NUP160: variants seen among roughly 807,000 people sequenced by gnomAD.
The protein encoded by NUP160 is nucleoporin 160.
In NUP160, 94 loss-of-function variants were observed where a neutral mutation model predicts 196.9. The observed-to-expected ratio is 0.48, with a 90% CI of 0.40 to 0.57. The LOEUF (loss-of-function observed/expected upper bound fraction) is 0.57, where lower values mean the gene tolerates loss of function less well. Among genes scored for constraint, NUP160 ranks in the 20% least tolerant of loss-of-function variants. The pLI, the probability that NUP160 is intolerant of heterozygous loss-of-function variation, is 0.00. For synonymous variants in NUP160, 605 were observed against 619.7 expected (o/e 0.98, Z 0.35); for missense variants, 1,638 against 1,748.3 (o/e 0.94, Z 1.13).
chr11:47,838,743 A>G (rs981221735), intron 4 of NUP160, among the ~76,000 whole-genome samples: 3 of 151,714 alleles, frequency 2.0e-5, no homozygotes, highest in Non-Finnish European at 4.4e-5. Context: ...CGGTGGCTCA[A>G]GCCTGTAATC....
intron 31 of NUP160, among the ~76,000 whole-genome samples, chr11:47,787,267 T>C (rs1231614049): frequency 6.6e-6 from 1 of 151,864 alleles, no homozygotes; most frequent in African/African-American, 2.4e-5. Flanking sequence ...TTTGTATTTT[T>C]AGTAGAGATG....
At chr11:47,834,540 C>A (rs1048831850) in intron 7 of NUP160, among the ~76,000 whole-genome samples, 11 of 152,188 alleles carry the variant, frequency 7.2e-5, no homozygotes, top group Non-Finnish European at 1.5e-4. Flanking sequence ...TCTTCCCTTC[C>A]ATTCTGTTCC....
At chr11:47,821,803 C>T (rs376363678) in exon 9 of NUP160, 3 of 1,613,422 alleles carry the variant, frequency 1.9e-6, no homozygotes, top group South Asian at 1.1e-5. Flanking sequence ...GAAGTTAAGG[C>T]AAAGTCAATC....
At chr11:47,816,999 AG>A (rs1851740678) in intron 11 of NUP160, among the ~76,000 whole-genome samples, 1 of 145,590 alleles carries the variant, frequency 6.9e-6, no homozygotes, top group Non-Finnish European at 1.5e-5. Context: ...TTTTTAAGAT[AG>A]GGTGTCACTC....
intron 35 of NUP160, chr11:47,779,666 A>G: frequency 6.3e-6 from 3 of 477,744 alleles, no homozygotes; most frequent in Non-Finnish European, 1.2e-5. Context: ...ATGACTCCTG[A>G]GAAATGTTGT....
chr11:47,813,249 C>T, intron 14 of NUP160, 67 bp downstream of exon 14: 1 of 1,214,862 alleles, frequency 8.2e-7, no homozygotes. Flanking sequence ...TTTTTGTATC[C>T]ATGTGAAACG....
At chr11:47,795,173 T>C (rs1316957185) in intron 27 of NUP160, among the ~76,000 whole-genome samples, 1 of 152,202 alleles carries the variant, frequency 6.6e-6, no homozygotes, top group Non-Finnish European at 1.5e-5. Context: ...GAAAAGTCCA[T>C]TGTTCTGGAA....
intron 7 of NUP160, among the ~76,000 whole-genome samples, chr11:47,832,532 T>C (rs966929222): frequency 6.6e-6 from 1 of 152,240 alleles, no homozygotes; most frequent in Non-Finnish European, 1.5e-5. Flanking sequence ...CCCAGCCAGA[T>C]GAGCAACTCT....
chr11:47,817,089 C>A (rs1851743617), intron 11 of NUP160, among the ~76,000 whole-genome samples: 1 of 151,644 alleles, frequency 6.6e-6, no homozygotes, highest in African/African-American at 2.4e-5. Flanking sequence ...AGTCCTCCAA[C>A]CTAGGGCTCC....
chr11:47,817,366 C>CA (rs1273786114), intron 11 of NUP160, among the ~76,000 whole-genome samples: 1 of 137,958 alleles, frequency 7.2e-6, no homozygotes, highest in Admixed American at 7.7e-5. Context: ...TTTTTTGAGA[C>CA]AGAGTCTCAC....
intron 4 of NUP160, among the ~76,000 whole-genome samples, chr11:47,839,075 G>A (rs1224736719): frequency 6.6e-6 from 1 of 151,996 alleles, no homozygotes; most frequent in Non-Finnish European, 1.5e-5. Context: ...TTTACACAGT[G>A]CAGTGACATG....
intron 7 of NUP160, among the ~76,000 whole-genome samples, chr11:47,835,086 G>A (rs1852148021): frequency 1.3e-5 from 2 of 152,128 alleles, no homozygotes; most frequent in African/African-American, 4.8e-5. Context: ...GCATAGTAAG[G>A]GAGACAGACC....
chr11:47,835,116 T>A (rs544244219), intron 7 of NUP160, among the ~76,000 whole-genome samples: 110 of 152,234 alleles, frequency 7.2e-4, no homozygotes, highest in Middle Eastern at 3.4e-3. Context: ...TGGGCTGTTA[T>A]TAGGATTAAA....
chr11:47,806,753 A>G (rs2097677866), intron 19 of NUP160, among the ~76,000 whole-genome samples: 1 of 148,610 alleles, frequency 6.7e-6, no homozygotes, highest in African/African-American at 2.5e-5. Flanking sequence ...GATTTTGTTA[A>G]TCACTGGAGC....
chr11:47,811,729 G>A (rs1291455405), intron 17 of NUP160, among the ~76,000 whole-genome samples: 1 of 152,006 alleles, frequency 6.6e-6, no homozygotes, highest in Non-Finnish European at 1.5e-5. Context: ...GGTTTGTTAC[G>A]TAGGTAAACG....
intron 6 of NUP160, 133 bp from the exon 7 acceptor site, chr11:47,835,942 T>G (rs1235187395): frequency 1.3e-6 from 1 of 751,024 alleles, no homozygotes; most frequent in African/African-American, 1.8e-5. Flanking sequence ...CTTACAGGTT[T>G]TTGTTTCAAA....
chr11:47,806,790 TACACACACACACACACACACACACACAC>T (rs57141346), intron 19 of NUP160, among the ~76,000 whole-genome samples: 16 of 111,846 alleles, frequency 1.4e-4, no homozygotes, highest in Admixed American at 3.7e-4. Flanking sequence ...AAAGCAGCTA[TACACACACACACACACACACACACACAC>T]ACACACACAC....
At chr11:47,824,981 G>A (rs1405758539) in intron 7 of NUP160, among the ~76,000 whole-genome samples, 7 of 151,580 alleles carry the variant, frequency 4.6e-5, no homozygotes, top group African/African-American at 7.3e-5. Context: ...GACTACAGGC[G>A]CCTGCCACCA....
intron 27 of NUP160, among the ~76,000 whole-genome samples, chr11:47,796,614 A>AT (rs1314840691): frequency 3.3e-5 from 5 of 152,222 alleles, no homozygotes; most frequent in Admixed American, 2.0e-4. Flanking sequence ...ATAGGGTGAT[A>AT]TTCACTGCGT....
Sources: gnomAD v4.1 joint callset for allele counts (sites outside exome capture counted in the v4.1 genomes callset) on GRCh38, gnomAD v4.1.1 for gene constraint, MANE v1.5 for transcripts, NCBI Gene and HGNC (gene_info 2026-07-23, HGNC 2026-07-21) for gene names.